WDPCP: variants seen among roughly 807,000 people sequenced by gnomAD.
The protein encoded by WDPCP is WD repeat containing planar cell polarity effector.
In WDPCP, 71 loss-of-function variants were observed where a neutral mutation model predicts 93.1. The ratio of observed to expected loss-of-function variants is 0.76; its 90% CI spans 0.63 to 0.93. WDPCP has a LOEUF of 0.93. Ranked by LOEUF, WDPCP falls within the 40% of genes least tolerant of loss-of-function variation. The pLI is 0.00. For synonymous variants in WDPCP, 315 were observed against 315.0 expected, an observed-to-expected ratio of 1.00 and a Z score of 0.00; for missense variants, 844 against 887.4, an observed-to-expected ratio of 0.95 and a Z score of 0.62.
rs12620642 is a variant in WDPCP, at chr2:63,150,326, G to C, written c.2190+2588C>G. Among the ~76,000 whole-genome samples, 1,462 of 152,224 alleles carry C rather than the reference G, an allele frequency of 9.6e-3. 25 individuals are homozygous for C. Among genetic ancestry groups the C allele is most frequent in the East Asian group, 0.047 (242 of 5,182 alleles). The stretch of plus-strand genomic sequence containing the variant: ...CTTTTTACTATCTTCCTCCCCCCAG[G>C]AGACATTTGGCAATGTCTGGAGAGT... On this transcript the variant is annotated intron_variant, in intron 17 of 17. Coordinates refer to ENST00000272321, the MANE Select transcript of WDPCP (RefSeq NM_015910.7).
intron 13 of WDPCP, among the ~76,000 whole-genome samples, chr2:63,275,166 C>A (rs1049515867): frequency 2.0e-5 from 3 of 151,904 alleles, no homozygotes; most frequent in South Asian, 2.1e-4. Flanking sequence ...ATAGGCAAAT[C>A]GATAAAAAAC....
chr2:63,492,796 C>G, intron 2 of WDPCP, 60 bp downstream of exon 2: 1 of 1,486,436 alleles, frequency 6.7e-7, no homozygotes, highest in Non-Finnish European at 9.4e-7. Flanking sequence ...TTTGCTAGTA[C>G]TTATTTATAA....
At chr2:63,824,265 C>G (rs1228232007) in intron 1 of WDPCP, among the ~76,000 whole-genome samples, 1 of 152,010 alleles carries the variant, frequency 6.6e-6, no homozygotes, top group African/African-American at 2.4e-5. Flanking sequence ...TTTTAAGTTT[C>G]CTGAGGACTC....
chr2:63,385,675 G>C (rs913587974), intron 10 of WDPCP, among the ~76,000 whole-genome samples: 2 of 151,886 alleles, frequency 1.3e-5, no homozygotes, highest in African/African-American at 4.8e-5. Context: ...ATATTGTTAA[G>C]AATCATTCCT....
Position 63,580,029 on chromosome 2 carries a change from T to C in WDPCP, c.75+8168A>G, listed in dbSNP as rs562849113. On this transcript the variant is annotated intron_variant, in intron 1 of 17. Coordinates refer to ENST00000272321, the MANE Select transcript of WDPCP (RefSeq NM_015910.7). ...CACTTGCTTGCCATGTGGTGACTTC[T>C]GCCATGAGATGACCCTCACCAGAAG... 1.8e-4 allele frequency among the ~76,000 whole-genome samples: 27 copies of C among 152,320 alleles called. 1 individual carries two copies. The South Asian group carries it at 4.1e-3, about 23-fold the overall frequency.
At chr2:63,735,659 AAGTGGGAAAACC>A (rs1007031618) in intron 2 of WDPCP, among the ~76,000 whole-genome samples, 2 of 152,332 alleles carry the variant, frequency 1.3e-5, no homozygotes, top group African/African-American at 4.8e-5. Context: ...AAGGGGCCCA[AAGTGGGAAAACC>A]AGTTAGGAGT....
intron 3 of WDPCP, among the ~76,000 whole-genome samples, chr2:63,610,281 A>C (rs964797294): frequency 1.3e-5 from 2 of 152,228 alleles, no homozygotes; most frequent in Admixed American, 1.3e-4. Context: ...TTTCCAAAAG[A>C]GGTACAATCT....
intron 2 of WDPCP, among the ~76,000 whole-genome samples, chr2:63,705,660 GAC>G (rs997274317): frequency 2.0e-5 from 3 of 152,090 alleles, no homozygotes; most frequent in Non-Finnish European, 4.4e-5. Context: ...TGGTCTGAGA[GAC>G]AGTTTTTTAT....
intron 1 of WDPCP, among the ~76,000 whole-genome samples, chr2:63,553,077 C>G (rs941007861): frequency 2.0e-5 from 3 of 152,172 alleles, no homozygotes; most frequent in African/African-American, 7.2e-5. Context: ...CTCACTGACA[C>G]TTGGGGAAAG....
intron 3 of WDPCP, among the ~76,000 whole-genome samples, chr2:63,646,452 T>G (rs1710051809): frequency 6.6e-6 from 1 of 152,172 alleles, no homozygotes; most frequent in African/African-American, 2.4e-5. Flanking sequence ...GTTACATTAT[T>G]ATAATATTCT....
chr2:63,434,718 G>A (rs921116061), intron 8 of WDPCP, among the ~76,000 whole-genome samples: 1 of 152,068 alleles, frequency 6.6e-6, no homozygotes, highest in Admixed American at 6.6e-5. Flanking sequence ...GGGATTAAGC[G>A]CATGGCTAAG....
chr2:63,284,660 G>A (rs1463177377), intron 13 of WDPCP, among the ~76,000 whole-genome samples: 2 of 152,192 alleles, frequency 1.3e-5, no homozygotes, highest in Non-Finnish European at 2.9e-5. Context: ...GCAGGTAGCT[G>A]TATAAAGTAT....
chr2:63,312,548 T>G (rs1239191016), intron 13 of WDPCP, among the ~76,000 whole-genome samples: 1 of 152,246 alleles, frequency 6.6e-6, no homozygotes, highest in African/African-American at 2.4e-5. Flanking sequence ...CTCTGTTGTT[T>G]CTGTGGAAAC....
At chr2:63,453,268 CAA>C (rs1055984793) in intron 6 of WDPCP, among the ~76,000 whole-genome samples, 2 of 152,142 alleles carry the variant, frequency 1.3e-5, no homozygotes, top group African/African-American at 4.8e-5. Flanking sequence ...ACAACCCCAT[CAA>C]AAAGTGGGCA....
chr2:63,169,269 C>T lies in WDPCP; in HGVS notation c.2078+5401G>A, dbSNP rs997513753. ...AGAAGGGTTCATGGGTACAGAATTT[C>T]CTATATTGAAAACTGTTTCTTTTAG... On this transcript the variant is annotated intron_variant, in intron 15 of 17. Transcript: ENST00000272321. Among the ~76,000 whole-genome samples the T allele has an allele frequency of 2.0e-5, 3 of 152,268 alleles. No individual in the cohort carries two copies. In the South Asian group the frequency reaches 6.2e-4, roughly 32 times the overall value.
chr2:63,252,269 C>T (rs1041158021), intron 14 of WDPCP, among the ~76,000 whole-genome samples: 1 of 152,100 alleles, frequency 6.6e-6, no homozygotes. Flanking sequence ...ACAAGCTAGG[C>T]ATAGAAGGAA....
intron 6 of WDPCP, among the ~76,000 whole-genome samples, chr2:63,483,789 A>T (rs114645894): frequency 6.6e-6 from 1 of 152,054 alleles, no homozygotes; most frequent in Non-Finnish European, 1.5e-5. Flanking sequence ...ATGACTAATA[A>T]TTATTCTTTT....
chr2:63,638,044 T>A (rs1052690012), intron 3 of WDPCP, among the ~76,000 whole-genome samples: 10 of 152,188 alleles, frequency 6.6e-5, no homozygotes, highest in Admixed American at 1.3e-4. Flanking sequence ...AAAAATGTGT[T>A]ATGTATGTAC....
rs561831216 is a variant in WDPCP, at chr2:63,693,065, G to A, written n.309-42227C>T. ...CTGAGGCATGGAGATTAAATAACTA[G>A]TTCAAAGTCAGAGAGGTGACAAGTG... On this transcript the variant is annotated intron_variant and non_coding_transcript_variant, in intron 2 of 4. Coordinates refer to the WDPCP transcript ENST00000467687. Among the ~76,000 whole-genome samples, 11 of 152,278 alleles carry A rather than the reference G, an allele frequency of 7.2e-5. 1 individual carries two copies. The highest frequency in any genetic ancestry group is 2.6e-4 in the Admixed American group (4 of 15,294).
Sources: allele counts gnomAD v4.1 joint callset (sites outside exome capture counted in the v4.1 genomes callset), GRCh38; gene constraint gnomAD v4.1.1; transcripts MANE v1.5; gene names NCBI Gene and HGNC (gene_info 2026-07-23, HGNC 2026-07-21).